TTL: variants seen among roughly 807,000 people sequenced by gnomAD.
TTL encodes tubulin tyrosine ligase, also known as tubulin--tyrosine ligase.
In TTL, 10 loss-of-function variants were observed where a neutral mutation model predicts 41.1. The observed-to-expected ratio is 0.24, with a 90% CI of 0.15 to 0.41. The LOEUF (loss-of-function observed/expected upper bound fraction) is 0.41, where lower values mean the gene tolerates loss of function less well. TTL is among the 10% of genes least tolerant of loss of function. TTL has a pLI of 1.00. For synonymous variants in TTL, 175 were observed against 175.5 expected, an observed-to-expected ratio of 1.00 and a Z score of 0.02; for missense variants, 367 against 460.4, an observed-to-expected ratio of 0.80 and a Z score of 1.86.
chr2:112,493,469 G>A (rs937020752), intron 2 of TTL, among the ~76,000 whole-genome samples: 5 of 152,168 alleles, frequency 3.3e-5, no homozygotes, highest in African/African-American at 1.2e-4. Context: ...TGTGAAATGT[G>A]ATGCCAGTGC....
intron 6 of TTL, among the ~76,000 whole-genome samples, chr2:112,524,354 G>C (rs190133998): frequency 6.6e-6 from 1 of 152,216 alleles, no homozygotes; most frequent in South Asian, 2.1e-4. Flanking sequence ...GTTCTAGATC[G>C]TTGAGGAATC....
chr2:112,494,340 A>G lies in TTL; in HGVS notation c.434A>G (p.Asn145Ser), dbSNP rs1316584013. The change falls in exon 3 of 7, where the codon AAC (asparagine) becomes AGC (serine). Residue 145 changes from asparagine (N) to serine (S), a missense_variant. Coordinates refer to ENST00000233336, the MANE Select transcript of TTL (RefSeq NM_153712.5). ...YNRKKEDGEG[N>S]VWIAKSSAGA... ...AGAAAGAAAGAGGATGGAGAGGGCA[A>G]CGTTTGGATTGCAAAGTCATCAGCC... 4 of 1,614,042 alleles carry G rather than the reference A, an allele frequency of 2.5e-6. No homozygotes were observed. The highest frequency in any genetic ancestry group is 2.2e-5 in the East Asian group (1 of 44,898).
chr2:112,520,222 A>G (rs1682183750), intron 5 of TTL, 60 bp from the exon 6 acceptor site: 5 of 1,593,924 alleles, frequency 3.1e-6, no homozygotes, highest in African/African-American at 1.3e-5. Context: ...AGCACACCTC[A>G]TGTCTTCCTT....
At chr2:112,492,783 C>T (rs2028167) in intron 2 of TTL, among the ~76,000 whole-genome samples, 24,824 of 151,308 alleles carry the variant, frequency 0.16, 2,315 homozygotes, top group East Asian at 0.3. Flanking sequence ...CCCAGCTACT[C>T]GGGAGTCTGA....
chr2:112,521,973 C>G (rs1682246505), intron 6 of TTL, among the ~76,000 whole-genome samples: 1 of 152,164 alleles, frequency 6.6e-6, no homozygotes, highest in Admixed American at 6.5e-5. Context: ...CAGTGGTGTG[C>G]CCAGTCTCAC....
intron 3 of TTL, among the ~76,000 whole-genome samples, chr2:112,495,997 A>C (rs1202156554): frequency 6.6e-6 from 1 of 152,226 alleles, no homozygotes; most frequent in Non-Finnish European, 1.5e-5. Flanking sequence ...TATCCCTGAA[A>C]GGGGGAGAGT....
intron 3 of TTL, among the ~76,000 whole-genome samples, chr2:112,495,665 G>A (rs1164163396): frequency 6.6e-6 from 1 of 152,090 alleles, no homozygotes. Flanking sequence ...GGCTAACACG[G>A]TGAAACCCCG....
intron 5 of TTL, among the ~76,000 whole-genome samples, chr2:112,515,253 TG>T (rs1682035668): frequency 1.3e-5 from 2 of 152,330 alleles, no homozygotes; most frequent in South Asian, 4.1e-4. Context: ...AGCTTGTTTT[TG>T]TAAGGTCTGT....
At chr2:112,523,403 G>A (rs1177112363) in intron 6 of TTL, among the ~76,000 whole-genome samples, 1 of 151,210 alleles carries the variant, frequency 6.6e-6, no homozygotes, top group Non-Finnish European at 1.5e-5. Context: ...TTTCTACCCT[G>A]TCATCCATTC....
chr2:112,498,322 T>A (rs1559013229), intron 3 of TTL, among the ~76,000 whole-genome samples: 1 of 150,754 alleles, frequency 6.6e-6, no homozygotes, highest in African/African-American at 2.4e-5. Flanking sequence ...AAATTCCGTC[T>A]AAAAAAAAAC....
rs1458982309 is a variant in TTL at position 112,482,730 on chromosome 2, G to T, written c.157+229G>T. 6.6e-6 allele frequency among the ~76,000 whole-genome samples: 1 copy of T among 151,384 alleles called. No homozygotes were observed. Among genetic ancestry groups the T allele is most frequent in the African/African-American group, 2.4e-5 (1 of 41,278 alleles). On this transcript the variant is annotated intron_variant, in intron 1 of 6. Transcript: ENST00000233336. The surrounding 1 kb of genome is among the most constrained non-coding windows in gnomAD (Gnocchi z 5.3). The stretch of plus-strand genomic sequence containing the variant: ...AGTCGCGGTGCGGCCACTCGGGGCC[G>T]CAGCTACCTCCCGACGGTGACCGGT...
chr2:112,520,284 A>G lies in TTL; in HGVS notation c.878A>G (p.Asn293Ser), dbSNP rs754003308. ...GCATTTCCCCTCCTGCCTCATAGGA[A>G]CTGCCTCCTGAGCGTGGAGCCTGCC... Reference protein sequence around the residue: ...ILLQIKHIIRNCLLSVEPAIS... With the variant: ...ILLQIKHIIRSCLLSVEPAIS... The change falls in exon 6 of 7, where the codon AAC (asparagine) becomes AGC (serine). Residue 293 changes from asparagine (N) to serine (S), a missense_variant and splice_region_variant. Physicochemically the swap from Asn to Ser is conservative, Grantham distance 46 (BLOSUM62 1). Transcript: ENST00000233336. The G allele has an allele frequency of 3.7e-6, 6 of 1,613,972 alleles. No homozygotes were observed. The highest frequency in any genetic ancestry group is 2.2e-5 in the South Asian group (2 of 91,086).
chr2:112,494,540 T>A (rs115159100), intron 3 of TTL, among the ~76,000 whole-genome samples, 165 bp downstream of exon 3: 1 of 152,228 alleles, frequency 6.6e-6, no homozygotes, highest in East Asian at 1.9e-4. Context: ...AATGTCTATC[T>A]CCAGTATGGT....
chr2:112,523,334 G>T (rs1033155186), intron 6 of TTL, among the ~76,000 whole-genome samples: 1 of 97,562 alleles, frequency 1.0e-5, no homozygotes, highest in Non-Finnish European at 2.0e-5. Flanking sequence ...GAAACTGTCT[G>T]TGGGTGTGTG....
At chr2:112,511,302 C>T (rs1681914103) in intron 5 of TTL, among the ~76,000 whole-genome samples, 1 of 151,736 alleles carries the variant, frequency 6.6e-6, no homozygotes, top group Non-Finnish European at 1.5e-5. Context: ...AGCCACTGCA[C>T]CTGGCCTTAT....
At chr2:112,483,747 C>A (rs570741849) in intron 1 of TTL, 1 of 152,258 alleles carries the variant, frequency 6.6e-6, no homozygotes, top group African/African-American at 2.4e-5. Context: ...GCTGGATTTT[C>A]TTCTTTTGAA....
chr2:112,494,660 G>A (rs1242819810), intron 3 of TTL, among the ~76,000 whole-genome samples: 4 of 151,960 alleles, frequency 2.6e-5, no homozygotes, highest in African/African-American at 4.8e-5. Context: ...CTTTGCCCAC[G>A]CCAGCCTGCT....
intron 4 of TTL, among the ~76,000 whole-genome samples, chr2:112,502,408 G>C (rs894877055): frequency 6.6e-6 from 1 of 151,994 alleles, no homozygotes; most frequent in African/African-American, 2.4e-5. Flanking sequence ...AGGCCAAGGT[G>C]GGTGGATCAC....
At chr2:112,485,093 G>A (rs1416189273) in intron 1 of TTL, among the ~76,000 whole-genome samples, 3 of 152,006 alleles carry the variant, frequency 2.0e-5, no homozygotes, top group Non-Finnish European at 4.4e-5. Context: ...AGAATTACCG[G>A]TGTGCGCCAC....
Sources: gnomAD v4.1 joint callset for allele counts (sites outside exome capture counted in the v4.1 genomes callset) on GRCh38, gnomAD v4.1.1 for gene constraint, Gnocchi (gnomAD v3.1) non-coding constraint, MANE v1.5 for transcripts, NCBI Gene and HGNC (gene_info 2026-07-23, HGNC 2026-07-21) for gene names.